Variants in NFIA observed in about 807,000 individuals in gnomAD.
The protein encoded by NFIA is nuclear factor 1 A-type.
Under a neutral mutation model 62.8 loss-of-function variants are expected in NFIA, and 8 were observed. The ratio of observed to expected loss-of-function variants is 0.13; its 90% CI spans 0.07 to 0.23. NFIA has a LOEUF of 0.23. Ranked by LOEUF, NFIA falls within the 10% of genes least tolerant of loss-of-function variation. The pLI is 1.00. For synonymous variants in NFIA, 235 were observed against 238.1 expected, an observed-to-expected ratio of 0.99 and a Z score of 0.12; for missense variants, 410 against 642.1, an observed-to-expected ratio of 0.64 and a Z score of 3.91.
intron 2 of NFIA, among the ~76,000 whole-genome samples, chr1:61,136,922 A>G (rs1647204443): frequency 6.6e-6 from 1 of 152,240 alleles, no homozygotes; most frequent in African/African-American, 2.4e-5. Flanking sequence ...AAATTAAAAT[A>G]GTAAGTATAG....
At chr1:61,301,520 A>G (rs929713169) in intron 3 of NFIA, among the ~76,000 whole-genome samples, 6 of 152,232 alleles carry the variant, frequency 3.9e-5, no homozygotes, top group African/African-American at 1.2e-4. Context: ...GACTTTACAG[A>G]GTAAACAAAC....
chr1:61,312,246 C>G (rs1171782865), intron 3 of NFIA, among the ~76,000 whole-genome samples: 1 of 152,220 alleles, frequency 6.6e-6, no homozygotes, highest in Admixed American at 6.5e-5. Context: ...GGAGGTAAAC[C>G]ATTGCCAAGC....
At chr1:61,087,292 A>G (rs1368384372) in intron 1 of NFIA, among the ~76,000 whole-genome samples, 2 of 152,114 alleles carry the variant, frequency 1.3e-5, no homozygotes, top group Non-Finnish European at 2.9e-5. Flanking sequence ...AAATTAAATA[A>G]TCTATTTTTT....
chr1:61,213,680 A>G (rs1249836840), intron 2 of NFIA, among the ~76,000 whole-genome samples: 1 of 152,180 alleles, frequency 6.6e-6, no homozygotes, highest in Non-Finnish European at 1.5e-5. Flanking sequence ...CTTGGAAAGG[A>G]CACAAGGGGT....
intron 2 of NFIA, among the ~76,000 whole-genome samples, chr1:61,239,393 G>A (rs954982583): frequency 6.6e-6 from 1 of 152,026 alleles, no homozygotes; most frequent in African/African-American, 2.4e-5. Context: ...TTTATTTTGA[G>A]TCTTTTCTAT....
intron 9 of NFIA, among the ~76,000 whole-genome samples, chr1:61,425,410 A>T (rs908017698): frequency 6.6e-6 from 1 of 152,160 alleles, no homozygotes; most frequent in African/African-American, 2.4e-5. Context: ...TGTTTCTTAG[A>T]TGGTGTTTGT....
intron 6 of NFIA, among the ~76,000 whole-genome samples, chr1:61,375,329 G>T (rs1664094562): frequency 6.6e-6 from 1 of 152,092 alleles, no homozygotes; most frequent in South Asian, 2.1e-4. Flanking sequence ...TAGTCTGATG[G>T]ACATGACTGA....
intron 2 of NFIA, among the ~76,000 whole-genome samples, chr1:61,188,688 T>C (rs970821980): frequency 6.6e-6 from 1 of 152,216 alleles, no homozygotes; most frequent in Non-Finnish European, 1.5e-5. Context: ...AAATCTGTTC[T>C]TGTAATGTAG....
intron 6 of NFIA, among the ~76,000 whole-genome samples, chr1:61,379,424 T>G (rs1364692826): frequency 2.4e-4 from 32 of 134,114 alleles, no homozygotes; most frequent in African/African-American, 9.3e-4. Context: ...TTTTTTTTTT[T>G]TTGAGATGGA....
chr1:61,359,683 C>T (rs1663177372), intron 6 of NFIA, among the ~76,000 whole-genome samples: 1 of 152,082 alleles, frequency 6.6e-6, no homozygotes, highest in African/African-American at 2.4e-5. Context: ...CTGGTTCCTC[C>T]TTCTTCTGCC....
rs532888598 is a variant in NFIA at position 61,461,512 on chromosome 1, C to T, written c.*6192C>T. 5 of 152,196 alleles carry T rather than the reference C, an allele frequency of 3.3e-5. No homozygotes were observed. The highest frequency in any genetic ancestry group is 4.8e-5 in the African/African-American group (2 of 41,518). The allele number at this position is 152,196 out of a possible 1,614,324, so 9.4% of individuals were successfully genotyped here. On this transcript the variant is annotated 3_prime_UTR_variant, in exon 11 of 11. Coordinates refer to ENST00000403491, the MANE Select transcript of NFIA (RefSeq NM_001134673.4). ...CTCATTTTTTTCCCTAAACCAGCAC[C>T]CATCTGCCTTTTATTCCCCAAAGAG...
intron 2 of NFIA, among the ~76,000 whole-genome samples, chr1:61,186,610 T>C (rs927035741): frequency 6.6e-6 from 1 of 152,202 alleles, no homozygotes; most frequent in African/African-American, 2.4e-5. Context: ...AGGGAGCAAT[T>C]GCCTCTGTTA....
chr1:61,388,070 T>G (rs1664791951), intron 7 of NFIA, among the ~76,000 whole-genome samples: 1 of 152,244 alleles, frequency 6.6e-6, no homozygotes, highest in Non-Finnish European at 1.5e-5. Context: ...TTTATGGCTT[T>G]GATAAATCAC....
intron 2 of NFIA, among the ~76,000 whole-genome samples, chr1:61,090,827 G>A (rs1011153357): frequency 5.3e-5 from 8 of 152,144 alleles, no homozygotes; most frequent in African/African-American, 1.9e-4. Context: ...GCGCGCAACA[G>A]GAAGACTGTA....
intron 9 of NFIA, among the ~76,000 whole-genome samples, chr1:61,411,982 T>C (rs1666126464): frequency 6.6e-6 from 1 of 151,978 alleles, no homozygotes; most frequent in South Asian, 2.1e-4. Context: ...TCTTATAGGC[T>C]CTTATAAGGA....
At chr1:61,305,073 T>C (rs1659692597) in intron 3 of NFIA, among the ~76,000 whole-genome samples, 1 of 152,058 alleles carries the variant, frequency 6.6e-6, no homozygotes, top group South Asian at 2.1e-4. Flanking sequence ...AAAAATAGTG[T>C]AGTATAAAGT....
intron 4 of NFIA, among the ~76,000 whole-genome samples, chr1:61,343,751 A>T (rs2100415160): frequency 6.6e-6 from 1 of 152,324 alleles, no homozygotes; most frequent in East Asian, 1.9e-4. Context: ...TTGGCAAAGG[A>T]GTTGCTGAAG....
intron 2 of NFIA, among the ~76,000 whole-genome samples, chr1:61,111,194 C>T (rs1256396186): frequency 2.0e-5 from 3 of 152,106 alleles, no homozygotes; most frequent in African/African-American, 7.2e-5. Context: ...GCTTGCTTTA[C>T]TTCCTGAATT....
rs550236302 is a variant in NFIA at position 61,087,431 on chromosome 1, A to G, written c.28-718A>G. Among the ~76,000 whole-genome samples the G allele has an allele frequency of 2.6e-5, 4 of 151,628 alleles. No homozygotes were observed. The South Asian group carries it at 8.3e-4, about 32-fold the overall frequency. On this transcript the variant is annotated intron_variant, in intron 1 of 10. Transcript: ENST00000403491. Reference sequence around the variant, plus strand: ...TTTCATTCCCATAGTATTAGCAATTATGTCTTGGGCATAGATCTTTTATTT... The same window carrying G: ...TTTCATTCCCATAGTATTAGCAATTGTGTCTTGGGCATAGATCTTTTATTT...
Sources: allele counts gnomAD v4.1 joint callset (sites outside exome capture counted in the v4.1 genomes callset), GRCh38; gene constraint gnomAD v4.1.1; transcripts MANE v1.5; gene names NCBI Gene and HGNC (gene_info 2026-07-23, HGNC 2026-07-21).